Variants in COL7A1 observed in about 807,000 individuals in gnomAD.
COL7A1 encodes the protein collagen alpha-1(VII) chain.
COL7A1 carries 296 observed loss-of-function variants against 456.2 expected under a neutral mutation model. The observed-to-expected ratio is 0.65, with a 90% CI of 0.59 to 0.71. COL7A1 has a LOEUF of 0.71. COL7A1 is among the 30% of genes least tolerant of loss of function. The pLI is 0.00. For synonymous variants in COL7A1, 1,464 were observed against 1,525.9 expected (o/e 0.96, Z 0.95); for missense variants, 3,441 against 4,017.2 (o/e 0.86, Z 3.88).
Position 48,573,755 on chromosome 3 carries a change from G to C in COL7A1, c.6538-30C>G. The C allele has an allele frequency of 6.2e-7, 1 of 1,613,862 alleles. No homozygotes were observed. The highest frequency in any genetic ancestry group is 8.5e-7 in the Non-Finnish European group (1 of 1,179,938). Reference sequence around the variant, plus strand: ...TGTGGCGAAAAAGAGTCTGATGAGGGGGAGTTAGCCGCACCCCACCAAGGA... The same window carrying C: ...TGTGGCGAAAAAGAGTCTGATGAGGCGGAGTTAGCCGCACCCCACCAAGGA... On this transcript the variant is annotated intron_variant, in intron 81 of 118. Transcript: ENST00000681320. This position sits in a 1 kb window ranked among gnomAD's most constrained non-coding sequence, Gnocchi z 5.5.
At position 48,567,498 on chromosome 3, in the gene COL7A1, ACCCCCAT is replaced by A. The variant is rs1472586746; in HGVS notation, c.8046+69_8046+75del. 6.3e-7 allele frequency: 1 copy of A among 1,590,546 alleles called. No homozygotes were observed. The highest frequency in any genetic ancestry group is 8.6e-7 in the Non-Finnish European group (1 of 1,160,262). The stretch of plus-strand genomic sequence containing the variant: ...CCTCTACAGCCTTCCTTGTCCCTAC[ACCCCCAT>A]GACCCGACCATGAGCTTCCCTGCCC... On this transcript the variant is annotated intron_variant, in intron 109 of 118. Coordinates refer to ENST00000681320, the MANE Select transcript of COL7A1 (RefSeq NM_000094.4). This position sits in a 1 kb window ranked among gnomAD's most constrained non-coding sequence, Gnocchi z 4.3.
rs2043992666 is a variant in COL7A1, at chr3:48,572,462, C to T, written c.6936+41G>A. The T allele has an allele frequency of 1.9e-6, 3 of 1,613,940 alleles. No individual in the cohort carries two copies. The highest frequency in any genetic ancestry group is 2.5e-6 in the Non-Finnish European group (3 of 1,179,926). On this transcript the variant is annotated intron_variant, in intron 89 of 118. Coordinates refer to ENST00000681320, the MANE Select transcript of COL7A1 (RefSeq NM_000094.4). This position sits in a 1 kb window ranked among gnomAD's most constrained non-coding sequence, Gnocchi z 4.6. ...GGTCAGTGGGATTCCTTGGCCCCCACCAGTTGACCCCCCCTCACTGGCAGC... is the reference window on the plus strand; with the variant it reads ...GGTCAGTGGGATTCCTTGGCCCCCATCAGTTGACCCCCCCTCACTGGCAGC...
chr3:48,566,140 T>C lies in COL7A1; in HGVS notation c.8407+127A>G. 1 of 986,694 alleles carries C rather than the reference T, an allele frequency of 1.0e-6. No homozygotes were observed. The highest frequency in any genetic ancestry group is 1.6e-6 in the Non-Finnish European group (1 of 638,658). 61.1% of individuals were successfully genotyped at this position (986,694 alleles called of 1,614,324 possible). On this transcript the variant is annotated intron_variant, in intron 114 of 118. Coordinates refer to ENST00000681320, the MANE Select transcript of COL7A1 (RefSeq NM_000094.4). This position sits in a 1 kb window ranked among gnomAD's most constrained non-coding sequence, Gnocchi z 5.9. ...TCATGTGTCAGTCCTGCAGCACATG[T>C]GTCCTTCTGTGTATCCATCCATCCC...
rs1288893381 is a variant in COL7A1, at chr3:48,588,428, G to A, written c.2588-24C>T. The stretch of plus-strand genomic sequence containing the variant: ...CGCTGGAGAGAAAGCTCAGGAATCA[G>A]GGAGGCTCTGCCCCCATGGCCCCTG... On this transcript the variant is annotated intron_variant, in intron 20 of 118. Transcript: ENST00000681320. This position sits in a 1 kb window ranked among gnomAD's most constrained non-coding sequence, Gnocchi z 4.6. 3.7e-6 allele frequency: 6 copies of A among 1,604,562 alleles called. No individual in the cohort carries two copies. Among genetic ancestry groups the A allele is most frequent in the Non-Finnish European group, 5.1e-6 (6 of 1,179,312 alleles).
chr3:48,591,040 G>A lies in COL7A1; in HGVS notation c.1637-224C>T, dbSNP rs899856264. 6.6e-6 allele frequency among the ~76,000 whole-genome samples: 1 copy of A among 152,204 alleles called. No individual in the cohort carries two copies. Among genetic ancestry groups the A allele is most frequent in the East Asian group, 1.9e-4 (1 of 5,198 alleles). On this transcript the variant is annotated intron_variant, in intron 13 of 118. Coordinates refer to ENST00000681320, the MANE Select transcript of COL7A1 (RefSeq NM_000094.4). The surrounding 1 kb of genome is among the most constrained non-coding windows in gnomAD (Gnocchi z 7.0). ...CAGGGACACTGGAGGACAGGAGTCTGTGGGATCTTAGCATGTAGGATGACA... is the reference window on the plus strand; with the variant it reads ...CAGGGACACTGGAGGACAGGAGTCTATGGGATCTTAGCATGTAGGATGACA...
In COL7A1 at chr3:48,580,541, G is replaced by A. The variant is rs757137772; in HGVS notation, c.5052+40C>T. 1.2e-5 allele frequency: 20 copies of A among 1,602,546 alleles called. No individual in the cohort carries two copies. Among genetic ancestry groups the A allele is most frequent in the Non-Finnish European group, 1.7e-5 (20 of 1,170,670 alleles). ...AGGTATTGGGAATTGGCTGGTTGGA[G>A]GGTTAAGGTTGGGGTGAGGAGTCAT... On this transcript the variant is annotated intron_variant, in intron 55 of 118. Transcript: ENST00000681320. The surrounding 1 kb of genome is among the most constrained non-coding windows in gnomAD (Gnocchi z 4.5).
At chr3:48,595,046 C>T (rs1328545227) in intron 2 of COL7A1, 29 bp downstream of exon 2, 1 of 1,532,402 alleles carries the variant, frequency 6.5e-7, no homozygotes, top group Non-Finnish European at 8.8e-7. Context: ...TGCAGTGCCC[C>T]GGGCCGGGTC....
Position 48,575,284 on chromosome 3 carries a change from T to TGGCCCCCCC in COL7A1, c.6181-43_6181-42insGGGGGGGCC. ...GGGTGAGGGCCAAGCCCATGGGGGG[T>TGGCCCCCCC]CCCACCCCTCCCAACCCCTCTTCCC... is the stretch of plus-strand genomic sequence containing the variant. On this transcript the variant is annotated intron_variant, in intron 74 of 118. Coordinates refer to ENST00000681320, the MANE Select transcript of COL7A1 (RefSeq NM_000094.4). This position sits in a 1 kb window ranked among gnomAD's most constrained non-coding sequence, Gnocchi z 6.3. The TGGCCCCCCC allele has an allele frequency of 6.5e-7, 1 of 1,533,478 alleles. No homozygotes were observed. Among genetic ancestry groups the TGGCCCCCCC allele is most frequent in the Non-Finnish European group, 9.0e-7 (1 of 1,110,826 alleles). 95.0% of individuals were successfully genotyped at this position (1,533,478 alleles called of 1,614,324 possible). A position where few individuals can be genotyped will look rare whatever the true frequency, so the allele number is the denominator to read the frequency against.
rs1003108106 is a variant in COL7A1 at position 48,595,160 on chromosome 3, C to A, written c.-1G>T. 6.4e-7 allele frequency: 1 copy of A among 1,551,648 alleles called. No homozygotes were observed. The highest frequency in any genetic ancestry group is 1.9e-5 in the Admixed American group (1 of 51,334). On this transcript the variant is annotated splice_region_variant and 5_prime_UTR_variant, in exon 2 of 119. Coordinates refer to ENST00000681320, the MANE Select transcript of COL7A1 (RefSeq NM_000094.4). ...CGGCCACCAGAAGCCGCAGCGTCAT[C>A]CTAGGCAGTAAAAGCCGTCAGCTAG...
At position 48,591,536 on chromosome 3, in the gene COL7A1, G is replaced by A. The variant is rs770684431; in HGVS notation, c.1564C>T (p.Gln522Ter). The A allele has an allele frequency of 3.1e-6, 5 of 1,613,830 alleles. No individual in the cohort carries two copies. Among genetic ancestry groups the A allele is most frequent in the Non-Finnish European group, 4.2e-6 (5 of 1,180,002 alleles). Residue 522 changes from glutamine (Q) to a stop codon, truncating the protein, a stop_gained, in exon 13 of 119, where the codon CAG becomes TAG. Coordinates refer to ENST00000681320, the MANE Select transcript of COL7A1 (RefSeq NM_000094.4). LOFTEE classifies it high-confidence loss of function. The surrounding 1 kb of genome is among the most constrained non-coding windows in gnomAD (Gnocchi z 7.0). Reference sequence around the variant, plus strand: ...GGGCTCCAGGACACTCGCACCCGCTGCCCGGGCAGCTCGGTGGCTTGCAGG... The same window carrying A: ...GGGCTCCAGGACACTCGCACCCGCTACCCGGGCAGCTCGGTGGCTTGCAGG... Reference protein sequence around the residue: ...TDLQATELPGQRVRVSWSPVP... With the variant: ...TDLQATELPG
Position 48,573,639 on chromosome 3 carries a change from C to T in COL7A1, c.6573+51G>A, listed in dbSNP as rs2044083674. The T allele has an allele frequency of 1.2e-6, 2 of 1,612,978 alleles. No homozygotes were observed. Among genetic ancestry groups the T allele is most frequent in the African/African-American group, 1.3e-5 (1 of 74,898 alleles). On this transcript the variant is annotated intron_variant, in intron 82 of 118. Coordinates refer to ENST00000681320, the MANE Select transcript of COL7A1 (RefSeq NM_000094.4). This position sits in a 1 kb window ranked among gnomAD's most constrained non-coding sequence, Gnocchi z 5.5. ...CTGGCTCATCAGCTGTGGCCAATGC[C>T]TATCCCAGCCCTTCCAGACCCTCAC...
chr3:48,588,454 C>A lies in COL7A1; in HGVS notation c.2588-50G>T. On this transcript the variant is annotated intron_variant, in intron 20 of 118. Coordinates refer to ENST00000681320, the MANE Select transcript of COL7A1 (RefSeq NM_000094.4). This position sits in a 1 kb window ranked among gnomAD's most constrained non-coding sequence, Gnocchi z 4.6. ...GGAGGCTCTGCCCCCATGGCCCCTG[C>A]ACCAATCCCAGGCCCACCCTGGCAC... 1 of 1,599,000 alleles carries A rather than the reference C, an allele frequency of 6.3e-7. No homozygotes were observed. Among genetic ancestry groups the A allele is most frequent in the South Asian group, 1.1e-5 (1 of 90,540 alleles).
At position 48,587,977 on chromosome 3, in the gene COL7A1, GGATAGTGACA is replaced by G. The variant is rs1158169310; in HGVS notation, c.2711-48_2711-39del. On this transcript the variant is annotated intron_variant, in intron 21 of 118. Transcript: ENST00000681320. The surrounding 1 kb of genome is among the most constrained non-coding windows in gnomAD (Gnocchi z 6.1). ...TGAGGGTGGGGGCCAAGAGCATGTG[GGATAGTGACA>G]CCTGGGGGCATTAAAGGGCCTGCCC... 1.9e-6 allele frequency: 3 copies of G among 1,556,008 alleles called. No homozygotes were observed. The South Asian group carries it at 3.5e-5, about 18-fold the overall frequency.
In COL7A1 at chr3:48,567,074, C is replaced by G. The variant is rs1416366164; in HGVS notation, c.8110-51G>C. ...TAATCAGAGGCCCCAGAGATGGACCCTCTCCCAAAGTGCACGCTCCCCTCA... is the reference window on the plus strand; with the variant it reads ...TAATCAGAGGCCCCAGAGATGGACCGTCTCCCAAAGTGCACGCTCCCCTCA... On this transcript the variant is annotated intron_variant, in intron 110 of 118. Coordinates refer to ENST00000681320, the MANE Select transcript of COL7A1 (RefSeq NM_000094.4). This position sits in a 1 kb window ranked among gnomAD's most constrained non-coding sequence, Gnocchi z 4.3. 11 of 1,613,078 alleles carry G rather than the reference C, an allele frequency of 6.8e-6. No individual in the cohort carries two copies. Among genetic ancestry groups the G allele is most frequent in the South Asian group, 1.1e-5 (1 of 91,072 alleles).
In COL7A1 at chr3:48,588,684, C is replaced by T. The variant is rs367797946; in HGVS notation, c.2545G>A (p.Gly849Arg). ...GAGACAGGTGTGCCCTCGCGGTCCC[C>T]GACAAGTGCAGTCACTCGCACTGAG... is the stretch of plus-strand genomic sequence containing the variant. The part of the protein sequence containing the change: ...SYSVRVTALV[G>R]DREGTPVSIV... The change falls in exon 20 of 119, where the codon GGG (glycine) becomes AGG (arginine). Residue 849 changes from glycine (G) to arginine (R), a missense_variant. Physicochemically the swap from Gly to Arg is moderately radical, Grantham distance 125. Transcript: ENST00000681320. The surrounding 1 kb of genome is among the most constrained non-coding windows in gnomAD (Gnocchi z 4.6). The T allele has an allele frequency of 2.4e-5, 38 of 1,613,750 alleles. No homozygotes were observed. Among genetic ancestry groups the T allele is most frequent in the Middle Eastern group, 1.6e-4 (1 of 6,084 alleles).
Position 48,587,944 on chromosome 3 carries a change from G to A in COL7A1, c.2711-5C>T, listed in dbSNP as rs2107761004. The A allele has an allele frequency of 6.3e-7, 1 of 1,585,212 alleles. No individual in the cohort carries two copies. The highest frequency in any genetic ancestry group is 8.6e-7 in the Non-Finnish European group (1 of 1,166,108). ...CCCGGGACTGTTCCTGGCCACCTGG[G>A]GCAGGCGTGAGGGTGGGGGCCAAGA... On this transcript the variant is annotated splice_region_variant and splice_polypyrimidine_tract_variant and intron_variant, in intron 21 of 118. Coordinates refer to ENST00000681320, the MANE Select transcript of COL7A1 (RefSeq NM_000094.4). The surrounding 1 kb of genome is among the most constrained non-coding windows in gnomAD (Gnocchi z 6.1).
In COL7A1 at chr3:48,594,274, G is replaced by GTTTTGGA. The variant is rs1407317698; in HGVS notation, c.266+93_266+94insTCCAAAA. 12 of 1,472,420 alleles carry GTTTTGGA rather than the reference G, an allele frequency of 8.1e-6. No individual in the cohort carries two copies. The Admixed American group carries it at 2.1e-4, about 25-fold the overall frequency. The allele number at this position is 1,472,420 out of a possible 1,614,324, so 91.2% of individuals were successfully genotyped here. The stretch of plus-strand genomic sequence containing the variant: ...GTTCCCCAAAACTTGTTTCTGCAAA[G>GTTTTGGA]ACCTGGCCTGGGGTTTCCAGGGTCT... On this transcript the variant is annotated intron_variant, in intron 3 of 118. Transcript: ENST00000681320. This position sits in a 1 kb window ranked among gnomAD's most constrained non-coding sequence, Gnocchi z 5.5.
In COL7A1 at chr3:48,576,770, C is replaced by A. The variant is rs1237059472; in HGVS notation, c.5606G>T (p.Gly1869Val). 1 of 1,613,530 alleles carries A rather than the reference C, an allele frequency of 6.2e-7. No homozygotes were observed. Reference sequence around the variant, plus strand: ...ACGCTCACCCTTGGGGCCATCACGACCCTGTGAAGGATGCAGCCAGCATCA... The same window carrying A: ...ACGCTCACCCTTGGGGCCATCACGAACCTGTGAAGGATGCAGCCAGCATCA... ...KGDSGASGRE[G>V]RDGPKGERGA... The change falls in exon 68 of 119, where the codon GGT becomes GTT. Residue 1869 changes from glycine (G) to valine (V), a missense_variant and splice_region_variant. Physicochemically the swap from Gly to Val is moderately radical, Grantham distance 109. Transcript: ENST00000681320.
In COL7A1 at chr3:48,568,606, G is replaced by A; in HGVS notation, c.7759-72C>T. The A allele has an allele frequency of 6.5e-7, 1 of 1,546,320 alleles. No homozygotes were observed. The highest frequency in any genetic ancestry group is 8.8e-7 in the Non-Finnish European group (1 of 1,135,476). ...ACACTGGCCCATCCGCTGCATGTGT[G>A]GCCACTCAGATGCTCAGCGGCCAGG... On this transcript the variant is annotated intron_variant, in intron 104 of 118. Transcript: ENST00000681320. This position sits in a 1 kb window ranked among gnomAD's most constrained non-coding sequence, Gnocchi z 5.2.
Sources: allele counts gnomAD v4.1 joint callset (sites outside exome capture counted in the v4.1 genomes callset), GRCh38; gene constraint gnomAD v4.1.1; non-coding constraint Gnocchi (gnomAD v3.1); transcripts MANE v1.5; gene names NCBI Gene and HGNC (gene_info 2026-07-23, HGNC 2026-07-21).